Variants in DNAAF11 observed in about 807,000 individuals in gnomAD.
DNAAF11 encodes the protein dynein axonemal assembly factor 11, also known as leucine rich repeat containing 6.
In DNAAF11, 45 loss-of-function variants were observed where a neutral mutation model predicts 60.8. That is an observed-to-expected ratio of 0.74 (90% CI 0.58 to 0.95). DNAAF11 has a LOEUF of 0.95. Among genes scored for constraint, DNAAF11 ranks in the 40% least tolerant of loss-of-function variants. The probability of loss-of-function intolerance (pLI) is 0.00; values close to 1 mark genes in which losing one functional copy is unlikely to be tolerated. For synonymous variants in DNAAF11, 191 were observed against 183.5 expected, an observed-to-expected ratio of 1.04 and a Z score of -0.33; for missense variants, 546 against 546.2, an observed-to-expected ratio of 1.00 and a Z score of 0.00.
At chr8:132,591,808 TGA>T in intron 10 of DNAAF11, among the ~76,000 whole-genome samples, 1 of 152,274 alleles carries the variant, frequency 6.6e-6, no homozygotes, top group Admixed American at 6.5e-5. Context: ...TGGTAGGTTT[TGA>T]CATACAACTC....
At chr8:132,621,811 G>A (rs1273381679) in intron 7 of DNAAF11, among the ~76,000 whole-genome samples, 2 of 152,122 alleles carry the variant, frequency 1.3e-5, no homozygotes, top group African/African-American at 2.4e-5. Context: ...GTGTGACCTT[G>A]GGCAAGTCAC....
chr8:132,643,056 A>AGG (rs1270860205), intron 3 of DNAAF11, among the ~76,000 whole-genome samples: 6 of 152,168 alleles, frequency 3.9e-5, no homozygotes, highest in Admixed American at 1.3e-4. Context: ...AGTTCACAAT[A>AGG]GGGCTCCGCT....
At position 132,661,555 on chromosome 8, in the gene DNAAF11, A is replaced by G. The variant is rs113520449; in HGVS notation, c.83T>C (p.Leu28Ser). Residue 28 changes from leucine to serine, a missense_variant, in exon 2 of 12, where the codon TTG (leucine) becomes TCG (serine). By Grantham distance (145) the Leu-to-Ser change is moderately radical (BLOSUM62 -2). Transcript: ENST00000620350. ...TAGTCTTTCTATTTCTTGCTGATGC[A>G]ACGAGAGTTCCTCCAGGGAAAAAAT... Reference protein sequence around the residue: ...CVIFSLEELSLHQQEIERLEH... With the variant: ...CVIFSLEELSSHQQEIERLEH... 6.2e-7 allele frequency: 1 copy of G among 1,614,048 alleles called. No individual in the cohort carries two copies. The highest frequency in any genetic ancestry group is 1.1e-5 in the South Asian group (1 of 91,060).
chr8:132,581,079 G>A (rs981022856), intron 11 of DNAAF11, among the ~76,000 whole-genome samples: 1 of 152,094 alleles, frequency 6.6e-6, no homozygotes, highest in Admixed American at 6.6e-5. Context: ...AAGAAACACA[G>A]GGACAGTAGG....
At chr8:132,627,265 T>C (rs1820369714) in intron 5 of DNAAF11, among the ~76,000 whole-genome samples, 1 of 152,186 alleles carries the variant, frequency 6.6e-6, no homozygotes, top group Non-Finnish European at 1.5e-5. Flanking sequence ...TCTGGCCTTT[T>C]GCAATCTAAA....
chr8:132,657,689 T>G (rs890508079), intron 2 of DNAAF11, among the ~76,000 whole-genome samples: 7 of 152,210 alleles, frequency 4.6e-5, no homozygotes, highest in African/African-American at 1.2e-4. Context: ...AATGGGGCCT[T>G]TGAAAAATAG....
the DNAAF11 span, among the ~76,000 whole-genome samples, chr8:132,698,665 T>C: frequency 6.6e-6 from 1 of 152,070 alleles, no homozygotes; most frequent in African/African-American, 2.4e-5. Flanking sequence ...TATCCAGCCA[T>C]CCACTCCTTA....
At chr8:132,585,708 G>T (rs893487642) in intron 10 of DNAAF11, among the ~76,000 whole-genome samples, 3 of 152,190 alleles carry the variant, frequency 2.0e-5, no homozygotes, top group Non-Finnish European at 2.9e-5. Flanking sequence ...TCAATAGAAG[G>T]TGACTCATGG....
chr8:132,655,514 T>C (rs747718263), intron 3 of DNAAF11, among the ~76,000 whole-genome samples: 6 of 151,982 alleles, frequency 3.9e-5, no homozygotes, highest in African/African-American at 1.4e-4. Flanking sequence ...ATCATGAAAG[T>C]TGAAAAGAAA....
chr8:132,696,688 A>G, the DNAAF11 span, among the ~76,000 whole-genome samples: 11,142 of 152,258 alleles, frequency 0.073, 1,401 homozygotes, highest in African/African-American at 0.25. Flanking sequence ...GTGCATATAC[A>G]CCATGGAATA....
intron 5 of DNAAF11, among the ~76,000 whole-genome samples, chr8:132,626,427 C>T (rs1820292498): frequency 6.6e-6 from 1 of 152,174 alleles, no homozygotes; most frequent in African/African-American, 2.4e-5. Context: ...TACATGGTAA[C>T]AGTTCTCTCT....
chr8:132,648,388 C>A (rs960428544), intron 3 of DNAAF11, among the ~76,000 whole-genome samples: 2 of 152,112 alleles, frequency 1.3e-5, no homozygotes, highest in East Asian at 1.9e-4. Flanking sequence ...TTATGACACA[C>A]GCACAGCCAA....
upstream of DNAAF11, among the ~76,000 whole-genome samples, chr8:132,675,848 TCC>T (rs1825740875): frequency 6.6e-6 from 1 of 152,164 alleles, no homozygotes; most frequent in South Asian, 2.1e-4. Context: ...AGGCTTGCCT[TCC>T]AGACCGCCTT....
At chr8:132,594,594 T>G (rs2738435) in intron 10 of DNAAF11, among the ~76,000 whole-genome samples, 152,085 of 152,098 alleles carry the variant, frequency 1, 76,036 homozygotes, top group Middle Eastern at 1. Flanking sequence ...GAGGGAGGGA[T>G]GTGATTAGAT....
At chr8:132,652,211 C>T (rs1184879637) in intron 3 of DNAAF11, among the ~76,000 whole-genome samples, 2 of 152,176 alleles carry the variant, frequency 1.3e-5, no homozygotes, top group Admixed American at 6.5e-5. Flanking sequence ...CAGCACGCCC[C>T]ACCCACTTGC....
At chr8:132,666,559 A>G (rs1461437025) in intron 1 of DNAAF11, among the ~76,000 whole-genome samples, 1 of 152,226 alleles carries the variant, frequency 6.6e-6, no homozygotes, top group African/African-American at 2.4e-5. Flanking sequence ...ACCATGAAGC[A>G]TCTAGGAGAA....
At chr8:132,583,905 G>T in intron 10 of DNAAF11, 126 bp from the exon 11 acceptor site, 1 of 674,446 alleles carries the variant, frequency 1.5e-6, no homozygotes, top group Admixed American at 2.4e-5. Flanking sequence ...TTCCATGAAA[G>T]ACTCAAACTT....
chr8:132,626,106 G>A (rs1419114582), intron 5 of DNAAF11, among the ~76,000 whole-genome samples: 1 of 151,442 alleles, frequency 6.6e-6, no homozygotes. Flanking sequence ...CTGGAGTGCA[G>A]TGGCCAGTGG....
chr8:132,652,939 TA>T (rs948685679), intron 3 of DNAAF11, among the ~76,000 whole-genome samples: 5 of 149,878 alleles, frequency 3.3e-5, no homozygotes, highest in African/African-American at 1.2e-4. Flanking sequence ...TCAAGTATAA[TA>T]AAAAAAAAGT....
Sources: allele counts gnomAD v4.1 joint callset (sites outside exome capture counted in the v4.1 genomes callset), GRCh38; gene constraint gnomAD v4.1.1; transcripts MANE v1.5; gene names NCBI Gene and HGNC (gene_info 2026-07-23, HGNC 2026-07-21).